AZIN2: variants seen among roughly 807,000 people sequenced by gnomAD.
AZIN2 encodes the protein antizyme inhibitor 2, also known as ODC antizyme inhibitor-2.
A neutral mutation model predicts 47.8 loss-of-function variants in AZIN2; 28 were observed. The ratio of observed to expected loss-of-function variants is 0.59; its 90% CI spans 0.43 to 0.80. The LOEUF (loss-of-function observed/expected upper bound fraction) is 0.80. Ranked by LOEUF, AZIN2 falls within the 30% of genes least tolerant of loss-of-function variation. AZIN2 has a pLI of 0.00. For synonymous variants in AZIN2, 221 were observed against 239.4 expected (o/e 0.92, Z 0.71); for missense variants, 535 against 582.5 (o/e 0.92, Z 0.84).
the AZIN2 span, chr1:33,147,875 G>A: frequency 2.3e-6 from 2 of 862,454 alleles, no homozygotes; most frequent in Non-Finnish European, 3.5e-6. The surrounding 1 kb of genome is among the most constrained non-coding windows in gnomAD (Gnocchi z 8.1). Flanking sequence ...GCCCTCTCTG[G>A]GCCTCATCTT....
At position 33,085,648 on chromosome 1, in the gene AZIN2, G is replaced by C. The variant is rs1641805787; in HGVS notation, c.279+1521G>C. Reference sequence around the variant, plus strand: ...CTGGAGCGACTCCAGGTTGGGGAGAGGTGTGCACTTGGCCGGGATGGTCAG... The same window carrying C: ...CTGGAGCGACTCCAGGTTGGGGAGACGTGTGCACTTGGCCGGGATGGTCAG... On this transcript the variant is annotated intron_variant, in intron 5 of 11. Transcript: ENST00000294517. 2.0e-5 allele frequency among the ~76,000 whole-genome samples: 3 copies of C among 152,278 alleles called. 1 individual carries two copies. The South Asian group carries it at 6.2e-4, about 32-fold the overall frequency.
intron 6 of AZIN2, 122 bp from the exon 7 acceptor site, chr1:33,093,160 G>A (rs965245929): frequency 6.8e-6 from 9 of 1,331,592 alleles, no homozygotes; most frequent in Non-Finnish European, 9.4e-6. Context: ...AGAGGGAGGG[G>A]TCAGGGAGCC....
chr1:33,115,407 TA>T (rs1167438601), intron 10 of AZIN2, among the ~76,000 whole-genome samples: 4,306 of 145,072 alleles, frequency 0.03, 193 homozygotes, highest in African/African-American at 0.096. Context: ...ACAGATTCCT[TA>T]AAAAAAAAAA....
the AZIN2 span, among the ~76,000 whole-genome samples, chr1:33,161,212 G>A: frequency 9.4e-3 from 1,437 of 152,336 alleles, 15 homozygotes; most frequent in South Asian, 0.032. This position sits in a 1 kb window ranked among gnomAD's most constrained non-coding sequence, Gnocchi z 4.3. Flanking sequence ...AGCGTTTCCC[G>A]GAAGTCTTCA....
chr1:33,089,896 C>T (rs1438476940), intron 5 of AZIN2, among the ~76,000 whole-genome samples: 1 of 152,230 alleles, frequency 6.6e-6, no homozygotes, highest in African/African-American at 2.4e-5. Context: ...AACTGGCTCT[C>T]TCTTCTCTTG....
the AZIN2 span, among the ~76,000 whole-genome samples, chr1:33,135,012 C>T: frequency 3.3e-5 from 5 of 152,170 alleles, no homozygotes; most frequent in African/African-American, 7.2e-5. Flanking sequence ...TGGATCTGGG[C>T]GCCGTGGCTC....
the AZIN2 span, among the ~76,000 whole-genome samples, chr1:33,134,646 G>A: frequency 6.6e-6 from 1 of 152,330 alleles, no homozygotes; most frequent in Middle Eastern, 3.4e-3. Context: ...CACCAGACAT[G>A]TTTACGCAGG....
chr1:33,127,221 G>T (rs1644862727), downstream of AZIN2, among the ~76,000 whole-genome samples: 1 of 152,228 alleles, frequency 6.6e-6, no homozygotes, highest in Non-Finnish European at 1.5e-5. Context: ...ACGATTGCCT[G>T]GCGGAACCAT....
At chr1:33,140,222 T>C in the AZIN2 span, among the ~76,000 whole-genome samples, 12 of 152,296 alleles carry the variant, frequency 7.9e-5, no homozygotes, top group African/African-American at 2.9e-4. This position sits in a 1 kb window ranked among gnomAD's most constrained non-coding sequence, Gnocchi z 4.0. Context: ...ACGGTGGCGA[T>C]GAAGGAGCTG....
chr1:33,107,632 C>T (rs1026027682), intron 10 of AZIN2, among the ~76,000 whole-genome samples: 10 of 152,078 alleles, frequency 6.6e-5, no homozygotes, highest in Non-Finnish European at 7.4e-5. Context: ...CACCAAAAAA[C>T]TATTAGACTT....
At chr1:33,161,878 C>T in the AZIN2 span, among the ~76,000 whole-genome samples, 1 of 152,186 alleles carries the variant, frequency 6.6e-6, no homozygotes, top group African/African-American at 2.4e-5. This position sits in a 1 kb window ranked among gnomAD's most constrained non-coding sequence, Gnocchi z 4.3. Context: ...CTCTGCCTCC[C>T]ATGTTCCTCG....
At position 33,093,436 on chromosome 1, in the gene AZIN2, G is replaced by C. The variant is rs755014773; in HGVS notation, c.587+20G>C. On this transcript the variant is annotated intron_variant, in intron 7 of 11. Coordinates refer to ENST00000294517, the MANE Select transcript of AZIN2 (RefSeq NM_052998.4). ...TGTGAGGTGAGCACTGGGAACCCCT[G>C]CCATCCCCTCCCACACCAGGCTCCC... is the stretch of plus-strand genomic sequence containing the variant. The C allele has an allele frequency of 4.3e-6, 7 of 1,610,148 alleles. No homozygotes were observed. In the South Asian group the frequency reaches 7.7e-5, roughly 18 times the overall value.
intron 5 of AZIN2, among the ~76,000 whole-genome samples, chr1:33,088,716 C>A (rs966431827): frequency 6.6e-5 from 10 of 152,222 alleles, no homozygotes; most frequent in Non-Finnish European, 7.3e-5. Context: ...AGAACCTCTG[C>A]ACAGACCACT....
chr1:33,138,514 T>G, the AZIN2 span, among the ~76,000 whole-genome samples: 1 of 151,660 alleles, frequency 6.6e-6, no homozygotes, highest in Non-Finnish European at 1.5e-5. Context: ...TCTTTTTAAA[T>G]TAGCACGCCC....
chr1:33,130,723 A>C, the AZIN2 span, among the ~76,000 whole-genome samples: 33 of 152,242 alleles, frequency 2.2e-4, no homozygotes, highest in Non-Finnish European at 4.6e-4. Flanking sequence ...TTTTAAGGTA[A>C]TTTGTTAGGC....
chr1:33,134,035 C>T, the AZIN2 span, among the ~76,000 whole-genome samples: 2 of 152,208 alleles, frequency 1.3e-5, no homozygotes, highest in Non-Finnish European at 2.9e-5. Flanking sequence ...GAGGCTAAAA[C>T]GTTTATAAGG....
At chr1:33,087,445 AT>A (rs1471943347) in intron 5 of AZIN2, among the ~76,000 whole-genome samples, 1 of 133,796 alleles carries the variant, frequency 7.5e-6, no homozygotes, top group African/African-American at 2.8e-5. Flanking sequence ...ATATATATAT[AT>A]TTTTTTTTGA....
intron 4 of AZIN2, 181 bp downstream of exon 4, chr1:33,082,535 T>A (rs41265881): frequency 0.07 from 37,348 of 535,336 alleles, 1,672 homozygotes; most frequent in Middle Eastern, 0.1. Flanking sequence ...AACCTGCCCC[T>A]CCTATGTTGC....
In AZIN2 at chr1:33,087,226, C is replaced by T. The variant is rs145678973; in HGVS notation, c.279+3099C>T. ...TCGGCTCACCGCAACCTCCACCTCCCGGGTTCAAGTGATTCTCCTGCCTCA... is the reference window on the plus strand; with the variant it reads ...TCGGCTCACCGCAACCTCCACCTCCTGGGTTCAAGTGATTCTCCTGCCTCA... On this transcript the variant is annotated intron_variant, in intron 5 of 11. Transcript: ENST00000294517. 3.8e-3 allele frequency among the ~76,000 whole-genome samples: 582 copies of T among 151,822 alleles called. 21 individuals carry two copies. The East Asian group carries it at 0.091, about 24-fold the overall frequency.
Sources: gnomAD v4.1 joint callset for allele counts (sites outside exome capture counted in the v4.1 genomes callset) on GRCh38, gnomAD v4.1.1 for gene constraint, Gnocchi (gnomAD v3.1) non-coding constraint, MANE v1.5 for transcripts, NCBI Gene and HGNC (gene_info 2026-07-23, HGNC 2026-07-21) for gene names.